The following RAB21 variants were observed in gnomAD, a reference collection of about 807,000 sequenced individuals.
RAB21 encodes the protein RAB21, member RAS oncogene family.
In RAB21, 13 loss-of-function variants were observed where a neutral mutation model predicts 33.1. The observed-to-expected ratio is 0.39, with a 90% CI of 0.26 to 0.62. RAB21 has a LOEUF of 0.62. Among genes scored for constraint, RAB21 ranks in the 20% least tolerant of loss-of-function variants. RAB21 has a pLI of 0.48. For synonymous variants in RAB21, 91 were observed against 103.7 expected, an observed-to-expected ratio of 0.88 and a Z score of 0.74; for missense variants, 234 against 279.1, an observed-to-expected ratio of 0.84 and a Z score of 1.15.
chr12:71,769,745 G>C, intron 1 of RAB21, 55 bp from the exon 2 acceptor site: 4 of 926,526 alleles, frequency 4.3e-6, no homozygotes, highest in Non-Finnish European at 6.3e-6. Flanking sequence ...TAGTTGTTAG[G>C]ATAAAGAACC....
At chr12:71,779,428 T>C (rs1883166425) in intron 4 of RAB21, among the ~76,000 whole-genome samples, 1 of 151,992 alleles carries the variant, frequency 6.6e-6, no homozygotes, top group Non-Finnish European at 1.5e-5. Context: ...CATTCCAACC[T>C]GAGTGACAGA....
At chr12:71,778,320 C>G (rs1486907346) in intron 4 of RAB21, among the ~76,000 whole-genome samples, 1 of 152,168 alleles carries the variant, frequency 6.6e-6, no homozygotes. Context: ...GTTTCTTGAA[C>G]AAATATTTAT....
chr12:71,779,906 T>C (rs553277493), intron 4 of RAB21, among the ~76,000 whole-genome samples: 1 of 152,264 alleles, frequency 6.6e-6, no homozygotes, highest in East Asian at 1.9e-4. Flanking sequence ...TGTCTTGCTT[T>C]TGAAAAAATA....
rs1883429030 is a variant in RAB21 at position 71,794,246 on chromosome 12, A to AGTTAAAAGTT, written c.*8576_*8585dup. 7.4e-6 allele frequency: 1 copy of AGTTAAAAGTT among 135,858 alleles called. No homozygotes were observed. Among genetic ancestry groups the AGTTAAAAGTT allele is most frequent in the African/African-American group, 3.0e-5 (1 of 33,438 alleles). 8.4% of individuals were successfully genotyped at this position (135,858 alleles called of 1,614,324 possible). A position where few individuals can be genotyped will look rare whatever the true frequency, so the allele number is the denominator to read the frequency against. ...CAAAAAAAGAAAAAAGAAAAAAAAAAGTTAAAAGTTGTGGCATGGTGGCTC... is the reference window on the plus strand; with the variant it reads ...CAAAAAAAGAAAAAAGAAAAAAAAAAGTTAAAAGTTGTTAAAAGTTGTGGCATGGTGGCTC... On this transcript the variant is annotated 3_prime_UTR_variant, in exon 7 of 7. Coordinates refer to ENST00000261263, the MANE Select transcript of RAB21 (RefSeq NM_014999.4).
Position 71,798,598 on chromosome 12 carries a change from A to C in RAB21, c.*12925A>C, listed in dbSNP as rs952355973. ...GTAAACAGTTTTCACAGAAAAGAAT[A>C]AAATGATTCAAGCCGGAAAAAAAGT... On this transcript the variant is annotated 3_prime_UTR_variant, in exon 7 of 7. Transcript: ENST00000261263. 1 of 152,220 alleles carries C rather than the reference A, an allele frequency of 6.6e-6. No homozygotes were observed. Among genetic ancestry groups the C allele is most frequent in the African/African-American group, 2.4e-5 (1 of 41,456 alleles). The allele number at this position is 152,220 out of a possible 1,614,324, so 9.4% of individuals were successfully genotyped here. A position where few individuals can be genotyped will look rare whatever the true frequency, so the allele number is the denominator to read the frequency against.
Position 71,755,016 on chromosome 12 carries a change from G to A in RAB21, c.-114G>A. 1 of 963,398 alleles carries A rather than the reference G, an allele frequency of 1.0e-6. No individual in the cohort carries two copies. The highest frequency in any genetic ancestry group is 1.2e-6 in the Non-Finnish European group (1 of 805,916). The allele number at this position is 963,398 out of a possible 1,614,324, so 59.7% of individuals were successfully genotyped here. On this transcript the variant is annotated 5_prime_UTR_variant, in exon 1 of 7. Transcript: ENST00000261263. ...CGAGGAGGGCGTGGGGACAGCGCCC[G>A]GGTCGGCGGGGCCGGGGCGGTGGGG...
intron 6 of RAB21, 106 bp from the exon 7 acceptor site, chr12:71,785,425 G>A: frequency 7.7e-6 from 10 of 1,297,624 alleles, no homozygotes; most frequent in Non-Finnish European, 1.1e-5. Context: ...TAGTTTCTTT[G>A]TTGGTCGAAA....
At chr12:71,778,638 C>T (rs907567508) in intron 4 of RAB21, among the ~76,000 whole-genome samples, 6 of 152,030 alleles carry the variant, frequency 3.9e-5, no homozygotes, top group Non-Finnish European at 5.9e-5. Context: ...TCTTGTCCTC[C>T]CAGAGTCTCT....
intron 1 of RAB21, among the ~76,000 whole-genome samples, chr12:71,757,203 G>A (rs1216666863): frequency 6.6e-6 from 1 of 151,988 alleles, no homozygotes; most frequent in Admixed American, 6.6e-5. Context: ...CCACCTCCTG[G>A]GTCAAGTGAT....
chr12:71,758,651 T>A (rs1384732051), intron 1 of RAB21, among the ~76,000 whole-genome samples: 1 of 151,544 alleles, frequency 6.6e-6, no homozygotes. Flanking sequence ...CGGCTAATTT[T>A]TTTTTTTTGG....
At chr12:71,765,582 C>G (rs1177592251) in intron 1 of RAB21, among the ~76,000 whole-genome samples, 18 of 151,996 alleles carry the variant, frequency 1.2e-4, no homozygotes, top group Admixed American at 1.2e-3. Context: ...TTTATGGTTT[C>G]AGTTCTTAGA....
chr12:71,758,777 C>T (rs1882827616), intron 1 of RAB21, among the ~76,000 whole-genome samples: 2 of 152,080 alleles, frequency 1.3e-5, no homozygotes, highest in Non-Finnish European at 2.9e-5. Context: ...CTGTGCCTGG[C>T]CCTTTCACTA....
At chr12:71,782,363 A>G (rs1175122009) in intron 5 of RAB21, 1 of 516,114 alleles carries the variant, frequency 1.9e-6, no homozygotes, top group Non-Finnish European at 3.4e-6. Context: ...TGAGTCCCAA[A>G]TTAATCTATA....
chr12:71,765,609 A>G (rs1882948008), intron 1 of RAB21, among the ~76,000 whole-genome samples: 1 of 152,132 alleles, frequency 6.6e-6, no homozygotes, highest in Non-Finnish European at 1.5e-5. Flanking sequence ...TCTTTGATCC[A>G]TCTTGAGTTG....
intron 1 of RAB21, among the ~76,000 whole-genome samples, chr12:71,761,881 C>G (rs1480846019): frequency 6.6e-6 from 1 of 152,082 alleles, no homozygotes; most frequent in South Asian, 2.1e-4. Flanking sequence ...GCATCATAGT[C>G]TTGGTCTAGG....
chr12:71,793,313 C>G lies in RAB21; in HGVS notation c.*7640C>G, dbSNP rs1592654486. 6.6e-6 allele frequency: 1 copy of G among 152,152 alleles called. No individual in the cohort carries two copies. The highest frequency in any genetic ancestry group is 1.9e-4 in the East Asian group (1 of 5,200). The allele number at this position is 152,152 out of a possible 1,614,324, so 9.4% of individuals were successfully genotyped here. A position where few individuals can be genotyped will look rare whatever the true frequency, so the allele number is the denominator to read the frequency against. ...TCATAGTAGGATAGTTTGTGTAATT[C>G]TAAATGCACTCTCCAGTTTAAGAGT... is the stretch of plus-strand genomic sequence containing the variant. On this transcript the variant is annotated 3_prime_UTR_variant, in exon 7 of 7. Coordinates refer to ENST00000261263, the MANE Select transcript of RAB21 (RefSeq NM_014999.4).
At chr12:71,759,514 G>A (rs1290061905) in intron 1 of RAB21, among the ~76,000 whole-genome samples, 1 of 152,238 alleles carries the variant, frequency 6.6e-6, no homozygotes, top group African/African-American at 2.4e-5. Flanking sequence ...ATGGGCCACA[G>A]GCCATCCCCT....
rs1883442615 is a variant in RAB21 at position 71,794,690 on chromosome 12, G to A, written c.*9017G>A. On this transcript the variant is annotated 3_prime_UTR_variant, in exon 7 of 7. Transcript: ENST00000261263. ...CCTGACCTTGTTATCCGCCCGCCTC[G>A]GCCTCCCAAAGTGCTGGGATTACAA... 3 of 145,118 alleles carry A rather than the reference G, an allele frequency of 2.1e-5. No individual in the cohort carries two copies. Among genetic ancestry groups the A allele is most frequent in the East Asian group, 4.1e-4 (2 of 4,880 alleles). The allele number at this position is 145,118 out of a possible 1,614,324, so 9.0% of individuals were successfully genotyped here. A position where few individuals can be genotyped will look rare whatever the true frequency, so the allele number is the denominator to read the frequency against.
chr12:71,785,627 A>G lies in RAB21; in HGVS notation c.632A>G (p.Glu211Gly). The G allele has an allele frequency of 6.2e-7, 1 of 1,614,192 alleles. No individual in the cohort carries two copies. Among genetic ancestry groups the G allele is most frequent in the Non-Finnish European group, 8.5e-7 (1 of 1,180,036 alleles). ...CGAGGTGTACAGATTATTGATGATG[A>G]ACCTCAAGCCCAGACCAGTGGTGGA... The part of the protein sequence containing the change: ...ARRGVQIIDD[E>G]PQAQTSGGGC... Residue 211 changes from glutamate (E) to glycine (G), a missense_variant, in exon 7 of 7, where the codon GAA (glutamate) becomes GGA (glycine). Coordinates refer to ENST00000261263, the MANE Select transcript of RAB21 (RefSeq NM_014999.4).
Sources: allele counts gnomAD v4.1 joint callset (sites outside exome capture counted in the v4.1 genomes callset), GRCh38; gene constraint gnomAD v4.1.1; transcripts MANE v1.5; gene names NCBI Gene and HGNC (gene_info 2026-07-23, HGNC 2026-07-21).